MIEF1: variants seen among roughly 807,000 people sequenced by gnomAD.
MIEF1 encodes mitochondrial dynamics protein MIEF1.
Under a neutral mutation model 35.1 loss-of-function variants are expected in MIEF1, and 14 were observed. That is an observed-to-expected ratio of 0.40 (90% CI 0.26 to 0.62). The LOEUF (loss-of-function observed/expected upper bound fraction) is 0.62. Among genes scored for constraint, MIEF1 ranks in the 20% least tolerant of loss-of-function variants. The pLI is 0.43. For synonymous variants in MIEF1, 245 were observed against 254.3 expected, an observed-to-expected ratio of 0.96 and a Z score of 0.35; for missense variants, 542 against 615.4, an observed-to-expected ratio of 0.88 and a Z score of 1.26.
At position 39,514,762 on chromosome 22, in the gene MIEF1, T is replaced by C; in HGVS notation, c.*439T>C. On this transcript the variant is annotated 3_prime_UTR_variant, in exon 6 of 6. Coordinates refer to ENST00000325301, the MANE Select transcript of MIEF1 (RefSeq NM_019008.6). ...TTGTCCCTGGAGCATATCTGCCTAATTAAGATGTTGCCTTTTAGTTGAATG... is the reference window on the plus strand; with the variant it reads ...TTGTCCCTGGAGCATATCTGCCTAACTAAGATGTTGCCTTTTAGTTGAATG... The C allele has an allele frequency of 4.3e-6, 1 of 234,800 alleles. No individual in the cohort carries two copies. Among genetic ancestry groups the C allele is most frequent in the East Asian group, 1.0e-4 (1 of 9,694 alleles). The allele number at this position is 234,800 out of a possible 1,614,324, so 14.5% of individuals were successfully genotyped here. A position where few individuals can be genotyped will look rare whatever the true frequency, so the allele number is the denominator to read the frequency against.
chr22:39,510,009 A>G (rs954060205), intron 2 of MIEF1, among the ~76,000 whole-genome samples: 1 of 152,164 alleles, frequency 6.6e-6, no homozygotes, highest in Non-Finnish European at 1.5e-5. Flanking sequence ...CCCAGGCTAG[A>G]GTGCAATCGT....
Position 39,515,395 on chromosome 22 carries a change from C to T in MIEF1, c.*1072C>T. On this transcript the variant is annotated 3_prime_UTR_variant, in exon 6 of 6. Coordinates refer to ENST00000325301, the MANE Select transcript of MIEF1 (RefSeq NM_019008.6). Reference sequence around the variant, plus strand: ...CTAGGATGTGGCCTTAGAGCAAGAACAGACCCAACAGCCAGCCCTTCATCC... The same window carrying T: ...CTAGGATGTGGCCTTAGAGCAAGAATAGACCCAACAGCCAGCCCTTCATCC... 1 of 710,180 alleles carries T rather than the reference C, an allele frequency of 1.4e-6. No homozygotes were observed. Among genetic ancestry groups the T allele is most frequent in the Non-Finnish European group, 2.6e-6 (1 of 381,182 alleles). The allele number at this position is 710,180 out of a possible 1,614,324, so 44.0% of individuals were successfully genotyped here.
In MIEF1 at chr22:39,517,482, CAAGTT is replaced by C. The variant is rs1438503502; in HGVS notation, c.*3160_*3164del. ...CTGACTGTGCTCCCTGCACTCCACT[CAAGTT>C]GAGAGTTCAAATAGTCTTGAAGGGG... On this transcript the variant is annotated 3_prime_UTR_variant, in exon 6 of 6. Coordinates refer to ENST00000325301, the MANE Select transcript of MIEF1 (RefSeq NM_019008.6). 6.4e-6 allele frequency: 3 copies of C among 469,752 alleles called. No individual in the cohort carries two copies. The highest frequency in any genetic ancestry group is 4.0e-5 in the African/African-American group (2 of 50,036). 29.1% of individuals were successfully genotyped at this position (469,752 alleles called of 1,614,324 possible). A position where few individuals can be genotyped will look rare whatever the true frequency, so the allele number is the denominator to read the frequency against.
At chr22:39,511,582 T>A in intron 3 of MIEF1, 144 bp downstream of exon 3, 1 of 1,293,436 alleles carries the variant, frequency 7.7e-7, no homozygotes, top group Non-Finnish European at 1.0e-6. Flanking sequence ...AAAGTATGTA[T>A]AGAGTGATCG....
chr22:39,514,474 T>A lies in MIEF1; in HGVS notation c.*151T>A, dbSNP rs1930553245. On this transcript the variant is annotated 3_prime_UTR_variant, in exon 6 of 6. Transcript: ENST00000325301. ...TCACTTCATGCTGATTAGAATGACA[T>A]CTCTTTCGTCTCCTATTTTGTTACC... 4.3e-6 allele frequency: 3 copies of A among 697,184 alleles called. No individual in the cohort carries two copies. The allele number at this position is 697,184 out of a possible 1,614,324, so 43.2% of individuals were successfully genotyped here. A position where few individuals can be genotyped will look rare whatever the true frequency, so the allele number is the denominator to read the frequency against.
chr22:39,509,992 CTT>C (rs1930249773), intron 2 of MIEF1, among the ~76,000 whole-genome samples: 1 of 152,174 alleles, frequency 6.6e-6, no homozygotes. Context: ...GAGTTTAGCT[CTT>C]GTTACCCAGG....
Position 39,517,445 on chromosome 22 carries a change from A to G in MIEF1, c.*3122A>G, listed in dbSNP as rs1042494139. On this transcript the variant is annotated 3_prime_UTR_variant, in exon 6 of 6. Coordinates refer to ENST00000325301, the MANE Select transcript of MIEF1 (RefSeq NM_019008.6). ...TCCTGGGTCCCGGCCACCTGTCCAT[A>G]TTCCACATTTGCTGACTGTGCTCCC... 3.7e-5 allele frequency: 16 copies of G among 430,120 alleles called. No individual in the cohort carries two copies. The Admixed American group carries it at 4.2e-4, about 11-fold the overall frequency. The allele number at this position is 430,120 out of a possible 1,614,324, so 26.6% of individuals were successfully genotyped here.
intron 2 of MIEF1, among the ~76,000 whole-genome samples, chr22:39,505,558 A>G (rs944055742): frequency 2.0e-5 from 3 of 152,162 alleles, no homozygotes; most frequent in Non-Finnish European, 4.4e-5. Flanking sequence ...CTGTAAGGCA[A>G]ATAGCCAGAG....
intron 2 of MIEF1, among the ~76,000 whole-genome samples, chr22:39,507,039 G>C (rs1000210994): frequency 6.6e-6 from 1 of 152,186 alleles, no homozygotes; most frequent in African/African-American, 2.4e-5. Context: ...CCTGCTAGTA[G>C]GCTGTAAGCT....
In MIEF1 at chr22:39,517,614, C is replaced by G. The variant is rs180917844; in HGVS notation, c.*3291C>G. On this transcript the variant is annotated 3_prime_UTR_variant, in exon 6 of 6. Coordinates refer to ENST00000325301, the MANE Select transcript of MIEF1 (RefSeq NM_019008.6). ...TCCAGAGCTCTCTGCCATGATACTT[C>G]CTTGGGACTGACTTGGCTGAGAACG... is the stretch of plus-strand genomic sequence containing the variant. 8.5e-6 allele frequency: 4 copies of G among 471,130 alleles called. No individual in the cohort carries two copies. The highest frequency in any genetic ancestry group is 6.2e-5 in the South Asian group (4 of 64,564). The allele number at this position is 471,130 out of a possible 1,614,324, so 29.2% of individuals were successfully genotyped here. A position where few individuals can be genotyped will look rare whatever the true frequency, so the allele number is the denominator to read the frequency against.
In MIEF1 at chr22:39,502,361, C is replaced by T; in HGVS notation, c.-416C>T. The T allele has an allele frequency of 6.6e-6, 1 of 152,376 alleles. No individual in the cohort carries two copies. Among genetic ancestry groups the T allele is most frequent in the African/African-American group, 2.4e-5 (1 of 41,456 alleles). The allele number at this position is 152,376 out of a possible 1,614,324, so 9.4% of individuals were successfully genotyped here. On this transcript the variant is annotated 5_prime_UTR_variant, in exon 1 of 6. Transcript: ENST00000325301. ...GGTCGTGTCCCGGAAGTGAAGGGGCCATGTTGATGGGTGACCCGGGGAGAG... is the reference window on the plus strand; with the variant it reads ...GGTCGTGTCCCGGAAGTGAAGGGGCTATGTTGATGGGTGACCCGGGGAGAG...
At position 39,517,808 on chromosome 22, in the gene MIEF1, C is replaced by T. The variant is rs1930756339; in HGVS notation, c.*3485C>T. 3.1e-6 allele frequency: 1 copy of T among 323,124 alleles called. No homozygotes were observed. The highest frequency in any genetic ancestry group is 2.2e-5 in the African/African-American group (1 of 45,522). 20.0% of individuals were successfully genotyped at this position (323,124 alleles called of 1,614,324 possible). On this transcript the variant is annotated 3_prime_UTR_variant, in exon 6 of 6. Coordinates refer to ENST00000325301, the MANE Select transcript of MIEF1 (RefSeq NM_019008.6). ...GCCAGAATACCAGAGAGGTGGGTTC[C>T]ATGGTCAAATGCACAGTAGGTGTTT...
chr22:39,512,548 T>G (rs1347823303), intron 5 of MIEF1, 54 bp downstream of exon 5: 6 of 1,556,670 alleles, frequency 3.9e-6, no homozygotes, highest in African/African-American at 1.3e-5. Flanking sequence ...CACCATAGTG[T>G]TGTTGGCACA....
rs1930758971 is a variant in MIEF1, at chr22:39,517,852, C to T, written c.*3529C>T. The T allele has an allele frequency of 3.9e-6, 1 of 255,622 alleles. No individual in the cohort carries two copies. The highest frequency in any genetic ancestry group is 7.9e-6 in the Non-Finnish European group (1 of 126,812). 15.8% of individuals were successfully genotyped at this position (255,622 alleles called of 1,614,324 possible). ...GGTGTTTACCTTTACATTTGGATCA[C>T]CTTGTAGTCTTTAAATTCTTGGTCC... On this transcript the variant is annotated 3_prime_UTR_variant, in exon 6 of 6. Transcript: ENST00000325301.
intron 2 of MIEF1, chr22:39,504,797 A>G (rs1929935141): frequency 5.8e-6 from 1 of 172,624 alleles, no homozygotes; most frequent in African/African-American, 2.4e-5. Flanking sequence ...GGGGGGGAAA[A>G]AAGAGGACAT....
rs1314882220 is a variant in MIEF1, at chr22:39,502,345, C to G, written c.-432C>G. ...GCAGCTCCGTGCGCAAGGTCGTGTC[C>G]CGGAAGTGAAGGGGCCATGTTGATG... On this transcript the variant is annotated 5_prime_UTR_variant, in exon 1 of 6. Transcript: ENST00000325301. 1 of 152,354 alleles carries G rather than the reference C, an allele frequency of 6.6e-6. No homozygotes were observed. Among genetic ancestry groups the G allele is most frequent in the African/African-American group, 2.4e-5 (1 of 41,470 alleles). 9.4% of individuals were successfully genotyped at this position (152,354 alleles called of 1,614,324 possible). A position where few individuals can be genotyped will look rare whatever the true frequency, so the allele number is the denominator to read the frequency against.
chr22:39,505,139 A>G (rs1929951102), intron 2 of MIEF1, among the ~76,000 whole-genome samples: 1 of 152,038 alleles, frequency 6.6e-6, no homozygotes, highest in Non-Finnish European at 1.5e-5. Context: ...GGTTGCAGTG[A>G]ACCAAGATCG....
In MIEF1 at chr22:39,512,024, C is replaced by T. The variant is rs961206480; in HGVS notation, c.320C>T (p.Thr107Ile). ...CCCACAGACTCCTCCACCTTCGACA[C>T]AGGTGAGAAGGGCTGCTGCCCCTCC... is the stretch of plus-strand genomic sequence containing the variant. ...TLPTDSSTFD[T>I]DTFCPPRPKP... is the part of the protein sequence containing the mutation. Residue 107 changes from threonine to isoleucine, a missense_variant and splice_region_variant, in exon 4 of 6, where the codon ACA becomes ATA. Coordinates refer to ENST00000325301, the MANE Select transcript of MIEF1 (RefSeq NM_019008.6). 2.5e-6 allele frequency: 4 copies of T among 1,612,096 alleles called. No homozygotes were observed. In the African/African-American group the frequency reaches 4.0e-5, roughly 16 times the overall value.
Position 39,514,892 on chromosome 22 carries a change from T to A in MIEF1, c.*569T>A. ...AGTGAGGCTGGTAGAAGAGTTGGCC[T>A]TTGACCACGGTTCCTGGAGTAGAAG... On this transcript the variant is annotated 3_prime_UTR_variant, in exon 6 of 6. Coordinates refer to ENST00000325301, the MANE Select transcript of MIEF1 (RefSeq NM_019008.6). The A allele has an allele frequency of 3.7e-6, 1 of 273,142 alleles. No homozygotes were observed. The highest frequency in any genetic ancestry group is 7.0e-6 in the Non-Finnish European group (1 of 143,630). 16.9% of individuals were successfully genotyped at this position (273,142 alleles called of 1,614,324 possible).
Sources: allele counts gnomAD v4.1 joint callset (sites outside exome capture counted in the v4.1 genomes callset), GRCh38; gene constraint gnomAD v4.1.1; transcripts MANE v1.5; gene names NCBI Gene and HGNC (gene_info 2026-07-23, HGNC 2026-07-21).